The following GALNT13 variants were observed in gnomAD, a reference collection of about 807,000 sequenced individuals.
The protein encoded by GALNT13 is UDP-GalNAc:polypeptide N-acetylgalactosaminyltransferase 13.
In GALNT13, 28 loss-of-function variants were observed where a neutral mutation model predicts 64.2. The observed-to-expected ratio is 0.44, with a 90% CI of 0.32 to 0.60. The LOEUF (loss-of-function observed/expected upper bound fraction) is 0.60, where lower values mean the gene tolerates loss of function less well. GALNT13 is among the 20% of genes least tolerant of loss of function. GALNT13 has a pLI of 0.05. For missense variants in GALNT13, 577 were observed against 669.8 expected, an observed-to-expected ratio of 0.86 and a Z score of 1.53; for synonymous variants, 214 against 224.6, an observed-to-expected ratio of 0.95 and a Z score of 0.42.
intron 9 of GALNT13, among the ~76,000 whole-genome samples, chr2:154,327,554 A>G (rs970751604): frequency 6.6e-6 from 1 of 152,084 alleles, no homozygotes; most frequent in African/African-American, 2.4e-5. Flanking sequence ...AACTCTATGT[A>G]GATATGAAGT....
chr2:154,371,247 A>T (rs1697668802), intron 9 of GALNT13, among the ~76,000 whole-genome samples: 1 of 152,108 alleles, frequency 6.6e-6, no homozygotes, highest in Non-Finnish European at 1.5e-5. Flanking sequence ...CCACCCATGG[A>T]ACTTTAGAGA....
the GALNT13 span, among the ~76,000 whole-genome samples, chr2:153,341,227 T>C: frequency 3.3e-5 from 5 of 152,240 alleles, no homozygotes; most frequent in East Asian, 9.6e-4. Flanking sequence ...ATAAAGATTA[T>C]ATAATATTTG....
At chr2:154,405,402 C>A (rs1699484732) in intron 10 of GALNT13, among the ~76,000 whole-genome samples, 2 of 151,442 alleles carry the variant, frequency 1.3e-5, no homozygotes, top group African/African-American at 2.4e-5. Context: ...GCAACAAGAC[C>A]AAAAATATTA....
At chr2:154,043,777 C>T (rs1165525572) in intron 3 of GALNT13, among the ~76,000 whole-genome samples, 1 of 151,880 alleles carries the variant, frequency 6.6e-6, no homozygotes, top group African/African-American at 2.4e-5. Flanking sequence ...AAACATGTGA[C>T]CTACACAAAT....
intron 3 of GALNT13, among the ~76,000 whole-genome samples, chr2:154,058,199 G>T (rs1283478796): frequency 6.6e-6 from 1 of 152,068 alleles, no homozygotes; most frequent in Non-Finnish European, 1.5e-5. Flanking sequence ...ACCATGTGAG[G>T]ACATAAGAAG....
At chr2:153,350,384 C>CTTTCT in the GALNT13 span, among the ~76,000 whole-genome samples, 19 of 129,960 alleles carry the variant, frequency 1.5e-4, no homozygotes, top group South Asian at 2.4e-4. Context: ...TTCTTTCTTT[C>CTTTCT]TTTTTTTTTT....
the GALNT13 span, among the ~76,000 whole-genome samples, chr2:153,602,533 G>A: frequency 1.2e-4 from 18 of 151,762 alleles, no homozygotes; most frequent in South Asian, 1.5e-3. Context: ...GTGGACATAC[G>A]GGCAAGACGT....
the GALNT13 span, among the ~76,000 whole-genome samples, chr2:153,085,864 C>A: frequency 6.6e-6 from 1 of 152,064 alleles, no homozygotes; most frequent in African/African-American, 2.4e-5. Context: ...GCACTATGTA[C>A]CTAGGAAAGC....
At chr2:154,104,506 C>G (rs910864658) in intron 3 of GALNT13, among the ~76,000 whole-genome samples, 3 of 152,192 alleles carry the variant, frequency 2.0e-5, no homozygotes, top group African/African-American at 7.2e-5. Context: ...ATAGCATGGA[C>G]AGGGGAAGAG....
the GALNT13 span, among the ~76,000 whole-genome samples, chr2:153,122,522 C>T: frequency 6.6e-6 from 1 of 152,202 alleles, no homozygotes; most frequent in Non-Finnish European, 1.5e-5. Context: ...GTTCCATTCA[C>T]TTTGCCACAC....
chr2:154,348,359 A>AGGCAC, intron 9 of GALNT13, among the ~76,000 whole-genome samples: 1 of 151,774 alleles, frequency 6.6e-6, no homozygotes, highest in Non-Finnish European at 1.5e-5. Flanking sequence ...CACTTGTTAT[A>AGGCAC]TACTCACTTC....
the GALNT13 span, among the ~76,000 whole-genome samples, chr2:153,112,338 G>A: frequency 1.3e-5 from 2 of 152,070 alleles, no homozygotes; most frequent in Non-Finnish European, 2.9e-5. Context: ...GATGGAGTGG[G>A]AGCCCTGTCT....
chr2:154,313,245 T>C (rs992559684), intron 9 of GALNT13, among the ~76,000 whole-genome samples: 6 of 148,840 alleles, frequency 4.0e-5, no homozygotes, highest in African/African-American at 1.5e-4. Context: ...TTTATGCATA[T>C]GTATATATAT....
At chr2:154,112,233 T>A (rs1253954723) in intron 3 of GALNT13, among the ~76,000 whole-genome samples, 2 of 152,186 alleles carry the variant, frequency 1.3e-5, no homozygotes, top group Non-Finnish European at 2.9e-5. Context: ...GCAGTCACTG[T>A]AGCTAGGTCA....
chr2:154,136,095 A>C (rs1682934764), intron 3 of GALNT13, among the ~76,000 whole-genome samples: 1 of 152,220 alleles, frequency 6.6e-6, no homozygotes, highest in African/African-American at 2.4e-5. Flanking sequence ...AGAGGGACTA[A>C]AAGTCAGTGT....
At chr2:153,190,814 G>A in the GALNT13 span, among the ~76,000 whole-genome samples, 1 of 151,888 alleles carries the variant, frequency 6.6e-6, no homozygotes, top group East Asian at 1.9e-4. Flanking sequence ...TTTATTCCTA[G>A]GTATTTTATT....
At chr2:154,246,851 A>G (rs1361048521) in intron 7 of GALNT13, among the ~76,000 whole-genome samples, 2 of 152,124 alleles carry the variant, frequency 1.3e-5, no homozygotes, top group African/African-American at 2.4e-5. Context: ...ACTGTCATCA[A>G]TCTTATAATG....
the GALNT13 span, among the ~76,000 whole-genome samples, chr2:153,390,665 A>G: frequency 5.3e-5 from 8 of 152,088 alleles, no homozygotes; most frequent in African/African-American, 1.9e-4. Flanking sequence ...TTATGGTTTT[A>G]TTGAGATTTA....
the GALNT13 span, among the ~76,000 whole-genome samples, chr2:153,839,328 T>C: frequency 1.3e-5 from 2 of 152,036 alleles, no homozygotes; most frequent in South Asian, 2.1e-4. Flanking sequence ...GACATCCATA[T>C]TTTGTTTCTG....
Sources: gnomAD v4.1 joint callset for allele counts (sites outside exome capture counted in the v4.1 genomes callset) on GRCh38, gnomAD v4.1.1 for gene constraint, MANE v1.5 for transcripts, NCBI Gene and HGNC (gene_info 2026-07-23, HGNC 2026-07-21) for gene names.